TFEC: variants seen among roughly 807,000 people sequenced by gnomAD.
The protein encoded by TFEC is class E basic helix-loop-helix protein 34.
Under a neutral mutation model 41.6 loss-of-function variants are expected in TFEC, and 31 were observed. That is an observed-to-expected ratio of 0.74 (90% CI 0.56 to 1.01). The LOEUF is 1.01. TFEC is among the 50% of genes least tolerant of loss of function. TFEC has a pLI of 0.00. For synonymous variants in TFEC, 143 were observed against 140.6 expected (o/e 1.02, Z -0.12); for missense variants, 402 against 404.1 (o/e 0.99, Z 0.04).
intron 4 of TFEC, 113 bp from the exon 5 acceptor site, chr7:115,954,755 T>C: frequency 4.0e-6 from 3 of 744,112 alleles, no homozygotes; most frequent in Non-Finnish European, 6.2e-6. Context: ...TCCAAAACGG[T>C]ACAATAATAT....
At position 115,992,116 on chromosome 7, in the gene TFEC, C is replaced by T. The variant is rs539569974; in HGVS notation, c.-72-7603G>A. On this transcript the variant is annotated intron_variant, in intron 1 of 7. Coordinates refer to ENST00000265440, the MANE Select transcript of TFEC (RefSeq NM_012252.4). ...TGCTCCTGAATGACTACTGGGTACA[C>T]GACGAAATGAAGGCAGAAATAAAGA... is the stretch of plus-strand genomic sequence containing the variant. Among the ~76,000 whole-genome samples, 190 of 152,082 alleles carry T rather than the reference C, an allele frequency of 1.2e-3. 1 individual carries two copies. The highest frequency in any genetic ancestry group is 4.1e-3 in the African/African-American group (170 of 41,490).
intron 1 of TFEC, among the ~76,000 whole-genome samples, chr7:116,007,297 G>T (rs1355161602): frequency 6.6e-6 from 1 of 152,056 alleles, no homozygotes; most frequent in Non-Finnish European, 1.5e-5. Context: ...CAGGGTATTT[G>T]GTATCTGATT....
Position 116,071,362 on chromosome 7 carries a change from C to A in TFEC, c.198+39346G>T, listed in dbSNP as rs536108457. Among the ~76,000 whole-genome samples the A allele has an allele frequency of 3.4e-5, 5 of 148,384 alleles. No individual in the cohort carries two copies. In the South Asian group the frequency reaches 6.4e-4, roughly 19 times the overall value. On this transcript the variant is annotated intron_variant, in intron 3 of 8. Transcript: ENST00000484212. ...GCATACTAGAGTTAAAAAAAAAAAACCTGAATATGGATCAAGGTATTAGGT... is the reference window on the plus strand; with the variant it reads ...GCATACTAGAGTTAAAAAAAAAAAAACTGAATATGGATCAAGGTATTAGGT...
At position 115,935,188 on chromosome 7, in the gene TFEC, G is replaced by A. The variant is rs917156196; in HGVS notation, c.*5363C>T. 2.0e-5 allele frequency: 3 copies of A among 151,718 alleles called. No homozygotes were observed. Among genetic ancestry groups the A allele is most frequent in the Non-Finnish European group, 4.4e-5 (3 of 67,598 alleles). The allele number at this position is 151,718 out of a possible 1,614,324, so 9.4% of individuals were successfully genotyped here. ...TAGTCTTTCATTTAATATATGCAAA[G>A]AAAATATTGGTACATTTTAAGGTAT... On this transcript the variant is annotated 3_prime_UTR_variant, in exon 8 of 8. Coordinates refer to ENST00000265440, the MANE Select transcript of TFEC (RefSeq NM_012252.4).
intron 3 of TFEC, among the ~76,000 whole-genome samples, chr7:116,064,788 T>C (rs1796654782): frequency 6.6e-6 from 1 of 152,042 alleles, no homozygotes; most frequent in African/African-American, 2.4e-5. Flanking sequence ...GAAAGCACCA[T>C]GGAAAATCAA....
At chr7:116,044,314 T>G (rs889246286) in intron 3 of TFEC, among the ~76,000 whole-genome samples, 10 of 152,194 alleles carry the variant, frequency 6.6e-5, no homozygotes, top group African/African-American at 2.4e-4. Flanking sequence ...TAATTGATAT[T>G]TTAAGGTATT....
intron 4 of TFEC, among the ~76,000 whole-genome samples, chr7:115,955,820 AG>A (rs1792194487): frequency 6.6e-6 from 1 of 152,056 alleles, no homozygotes; most frequent in South Asian, 2.1e-4. Context: ...TTAAAACTAT[AG>A]TCATTAATTT....
intron 5 of TFEC, among the ~76,000 whole-genome samples, chr7:115,951,861 T>G (rs1218610436): frequency 6.6e-6 from 1 of 152,088 alleles, no homozygotes; most frequent in East Asian, 1.9e-4. Context: ...TCTGTCAAAT[T>G]TCCTGTATTA....
chr7:116,003,120 TAA>T (rs1472732167), intron 1 of TFEC, among the ~76,000 whole-genome samples: 2 of 152,006 alleles, frequency 1.3e-5, no homozygotes, highest in African/African-American at 4.8e-5. Flanking sequence ...ATGCATCAAC[TAA>T]AAGACAGATA....
chr7:116,074,396 T>C (rs1050122343), intron 3 of TFEC, among the ~76,000 whole-genome samples: 2 of 151,904 alleles, frequency 1.3e-5, no homozygotes, highest in African/African-American at 4.8e-5. Flanking sequence ...TATGAAGAAC[T>C]CTTACAACTT....
intron 1 of TFEC, among the ~76,000 whole-genome samples, chr7:116,017,901 C>T (rs1312730738): frequency 1.3e-5 from 2 of 152,098 alleles, no homozygotes; most frequent in Non-Finnish European, 2.9e-5. Context: ...TTATGTATTA[C>T]CTGTCCTACT....
intron 4 of TFEC, among the ~76,000 whole-genome samples, chr7:115,956,348 G>A (rs1418362717): frequency 6.7e-6 from 1 of 149,358 alleles, no homozygotes; most frequent in African/African-American, 2.4e-5. Flanking sequence ...TTAATAAATG[G>A]CATCTATTTA....
intron 1 of TFEC, among the ~76,000 whole-genome samples, chr7:116,117,132 T>G (rs1215121230): frequency 6.6e-6 from 1 of 151,882 alleles, no homozygotes; most frequent in African/African-American, 2.4e-5. Flanking sequence ...GGAAACCTAT[T>G]GAGTCTGATT....
At chr7:115,964,986 AGATAAG>A (rs1792770315) in intron 3 of TFEC, among the ~76,000 whole-genome samples, 3 of 151,618 alleles carry the variant, frequency 2.0e-5, no homozygotes, top group Non-Finnish European at 4.4e-5. Context: ...GAGAAAGAAC[AGATAAG>A]GCCATTGTTG....
At chr7:116,147,864 G>A (rs1395298616) in intron 1 of TFEC, among the ~76,000 whole-genome samples, 1 of 152,084 alleles carries the variant, frequency 6.6e-6, no homozygotes, top group African/African-American at 2.4e-5. Context: ...ATAGTGATGA[G>A]AATCCATCAG....
intron 1 of TFEC, among the ~76,000 whole-genome samples, chr7:115,994,234 A>G (rs1000478224): frequency 6.6e-6 from 1 of 152,180 alleles, no homozygotes; most frequent in African/African-American, 2.4e-5. Flanking sequence ...TAAATGTTAG[A>G]CCTAAAACCA....
intron 3 of TFEC, among the ~76,000 whole-genome samples, chr7:116,066,263 A>T (rs1266084172): frequency 6.6e-6 from 1 of 152,142 alleles, no homozygotes; most frequent in African/African-American, 2.4e-5. Flanking sequence ...ACAAAGATCA[A>T]ATATACTCAT....
intron 3 of TFEC, among the ~76,000 whole-genome samples, chr7:116,052,886 G>C (rs1041048158): frequency 6.6e-6 from 1 of 151,592 alleles, no homozygotes; most frequent in Non-Finnish European, 1.5e-5. Context: ...TGGCTAACAC[G>C]GTGAAACCCC....
At chr7:115,954,723 G>C (rs557810497) in intron 4 of TFEC, 81 bp from the exon 5 acceptor site, 56 of 1,042,364 alleles carry the variant, frequency 5.4e-5, no homozygotes, top group Non-Finnish European at 7.3e-5. Context: ...GAACTCCTAG[G>C]TGAAAATAAA....
Sources: allele counts gnomAD v4.1 joint callset (sites outside exome capture counted in the v4.1 genomes callset), GRCh38; gene constraint gnomAD v4.1.1; transcripts MANE v1.5; gene names NCBI Gene and HGNC (gene_info 2026-07-23, HGNC 2026-07-21).